The following SHANK2 variants were observed in gnomAD, a reference collection of about 807,000 sequenced individuals.
The protein encoded by SHANK2 is SH3 and multiple ankyrin repeat domains 2, also known as SH3 and multiple ankyrin repeat domains protein 2.
SHANK2 carries 43 observed loss-of-function variants against 133.7 expected under a neutral mutation model. The ratio of observed to expected loss-of-function variants is 0.32; its 90% confidence interval spans 0.25 to 0.41. SHANK2 has a LOEUF of 0.41. Among genes scored for constraint, SHANK2 ranks in the 10% least tolerant of loss-of-function variants. SHANK2 has a pLI of 1.00. For missense variants in SHANK2, 1,994 were observed against 2,235.8 expected, an observed-to-expected ratio of 0.89 and a Z score of 2.18; for synonymous variants, 1,017 against 952.8, an observed-to-expected ratio of 1.07 and a Z score of -1.24.
chr11:70,483,288 G>C (rs1322239661), intron 25 of SHANK2, among the ~76,000 whole-genome samples: 1 of 152,122 alleles, frequency 6.6e-6, no homozygotes, highest in African/African-American at 2.4e-5. Flanking sequence ...CCATGAGAAA[G>C]TGTTTTGTAA....
At position 70,487,577 on chromosome 11, in the gene SHANK2, A is replaced by C; in HGVS notation, c.2716T>G (p.Tyr906Asp). The change falls in exon 25 of 26, where the codon TAC becomes GAC. Residue 906 changes from tyrosine (Y) to aspartate (D), a missense_variant. Tyr to Asp is a radical substitution (Grantham distance 160). This residue lies in a region of SHANK2 where 488 missense variants were observed against 642.6 expected (regional missense o/e 0.76). Coordinates refer to ENST00000601538, the MANE Select transcript of SHANK2 (RefSeq NM_012309.5). This position sits in a 1 kb window ranked among gnomAD's most constrained non-coding sequence, Gnocchi z 5.8. ...GGAGTTGGGGACTTGGGGCAGTTGT[A>C]AGTGGTTGGGGAAGGTGGTGGTGGG... ...PSPPPPSPTTYNCPKSPTPRV... is the reference protein window; with the variant it reads ...PSPPPPSPTTDNCPKSPTPRV... 2 of 1,613,118 alleles carry C rather than the reference A, an allele frequency of 1.2e-6. No homozygotes were observed. The highest frequency in any genetic ancestry group is 1.7e-6 in the Non-Finnish European group (2 of 1,179,696).
intron 17 of SHANK2, among the ~76,000 whole-genome samples, chr11:70,577,184 C>T (rs749540584): frequency 6.6e-6 from 1 of 152,176 alleles, no homozygotes; most frequent in African/African-American, 2.4e-5. Flanking sequence ...GACTCGTGAT[C>T]CCCGTGGGGT....
chr11:70,599,889 A>AAGAAAGAAAGAAAGAAAGAAAGAAAGAG (rs376412663), intron 17 of SHANK2, among the ~76,000 whole-genome samples: 2 of 73,692 alleles, frequency 2.7e-5, no homozygotes, highest in African/African-American at 1.2e-4. Context: ...GAAAGAAAGA[A>AAGAAAGAAAGAAAGAAAGAAAGAAAGAG]AAAGAAAGAA....
At chr11:70,723,299 G>GTCTCTCTCTCTCTCTCTCTCTCTCTC (rs57815500) in intron 14 of SHANK2, among the ~76,000 whole-genome samples, 20 of 145,726 alleles carry the variant, frequency 1.4e-4, no homozygotes, top group African/African-American at 5.2e-4. Context: ...TGGAGGGTCT[G>GTCTCTCTCTCTCTCTCTCTCTCTCTC]TCTCTCTCTC....
intron 8 of SHANK2, among the ~76,000 whole-genome samples, chr11:71,092,110 G>A (rs1951528958): frequency 6.6e-6 from 1 of 152,188 alleles, no homozygotes; most frequent in East Asian, 1.9e-4. Flanking sequence ...AGGGCTCCTG[G>A]GAAGGGGGCG....
At chr11:70,662,792 C>A (rs1487894898) in intron 15 of SHANK2, among the ~76,000 whole-genome samples, 1 of 152,178 alleles carries the variant, frequency 6.6e-6, no homozygotes, top group Non-Finnish European at 1.5e-5. Context: ...GACATCCAGC[C>A]CCCGAGGCAC....
Position 70,807,293 on chromosome 11 carries a change from C to T in SHANK2, c.1494-122G>A. The T allele has an allele frequency of 3.1e-6, 2 of 653,726 alleles. No individual in the cohort carries two copies. The highest frequency in any genetic ancestry group is 5.5e-6 in the Non-Finnish European group (2 of 365,582). 40.5% of individuals were successfully genotyped at this position (653,726 alleles called of 1,614,324 possible). On this transcript the variant is annotated intron_variant, in intron 12 of 25. Coordinates refer to ENST00000601538, the MANE Select transcript of SHANK2 (RefSeq NM_012309.5). This position sits in a 1 kb window ranked among gnomAD's most constrained non-coding sequence, Gnocchi z 4.8. ...CGCCTCGGCTGGCCGCATCAGAACTCCTGATGCCAGACAGGAAGATGGGAA... is the reference window on the plus strand; with the variant it reads ...CGCCTCGGCTGGCCGCATCAGAACTTCTGATGCCAGACAGGAAGATGGGAA...
intron 17 of SHANK2, among the ~76,000 whole-genome samples, chr11:70,617,213 TGA>T (rs1420697390): frequency 6.6e-6 from 1 of 151,110 alleles, no homozygotes; most frequent in African/African-American, 2.4e-5. Context: ...TGTGAGTGTC[TGA>T]GTGTGTTGTG....
intron 3 of SHANK2, among the ~76,000 whole-genome samples, chr11:71,143,514 G>A (rs182753869): frequency 3.3e-5 from 5 of 152,288 alleles, no homozygotes; most frequent in African/African-American, 7.2e-5. Flanking sequence ...GTAAACAAGC[G>A]TCTGACTGCA....
intron 17 of SHANK2, among the ~76,000 whole-genome samples, chr11:70,524,311 G>A (rs555854429): frequency 6.6e-6 from 1 of 152,220 alleles, no homozygotes; most frequent in East Asian, 1.9e-4. Flanking sequence ...ATCCACGCTC[G>A]CCTTACCAGC....
intron 2 of SHANK2, among the ~76,000 whole-genome samples, chr11:71,214,261 C>T (rs1255716361): frequency 6.6e-6 from 1 of 152,180 alleles, no homozygotes; most frequent in Admixed American, 6.5e-5. Flanking sequence ...CCTCACTCAG[C>T]CACCTCCATC....
intron 17 of SHANK2, among the ~76,000 whole-genome samples, chr11:70,620,324 C>A (rs1248438566): frequency 6.6e-6 from 1 of 152,176 alleles, no homozygotes; most frequent in Non-Finnish European, 1.5e-5. Context: ...GGGGCCTCAT[C>A]AGAACAAAAA....
At chr11:70,716,459 G>A (rs186843259) in intron 14 of SHANK2, among the ~76,000 whole-genome samples, 2 of 152,202 alleles carry the variant, frequency 1.3e-5, no homozygotes, top group Admixed American at 6.5e-5. Context: ...CAAGGAAACC[G>A]CCCTGATCGT....
At position 70,473,747 on chromosome 11, in the gene SHANK2, CAG is replaced by C; in HGVS notation, c.4980-310_4980-309del. The C allele has an allele frequency of 4.6e-6, 2 of 436,388 alleles. No homozygotes were observed. Among genetic ancestry groups the C allele is most frequent in the Non-Finnish European group, 8.6e-6 (2 of 232,166 alleles). 27.0% of individuals were successfully genotyped at this position (436,388 alleles called of 1,614,324 possible). ...GTCAGCCCACTCACCTGAACTGGGA[CAG>C]AGGGGCTGGGGGACCTGCCTGTGCT... On this transcript the variant is annotated intron_variant, in intron 25 of 25. Transcript: ENST00000601538. This position sits in a 1 kb window ranked among gnomAD's most constrained non-coding sequence, Gnocchi z 5.9.
intron 11 of SHANK2, among the ~76,000 whole-genome samples, chr11:70,843,452 A>C (rs1373794167): frequency 6.6e-6 from 1 of 150,660 alleles, no homozygotes; most frequent in Admixed American, 6.6e-5. Flanking sequence ...TGAGGTCCTG[A>C]CTCCTAGTGG....
At chr11:70,745,612 C>A (rs1443233105) in intron 14 of SHANK2, among the ~76,000 whole-genome samples, 1 of 152,138 alleles carries the variant, frequency 6.6e-6, no homozygotes, top group East Asian at 1.9e-4. Flanking sequence ...ACTCAGAGAG[C>A]CCCAATCCTC....
intron 3 of SHANK2, among the ~76,000 whole-genome samples, chr11:71,122,474 A>T (rs1284237686): frequency 3.3e-5 from 5 of 152,158 alleles, no homozygotes; most frequent in African/African-American, 1.2e-4. Context: ...GGGCAGGGGA[A>T]CATCACACAT....
intron 17 of SHANK2, among the ~76,000 whole-genome samples, chr11:70,560,284 C>T (rs899565190): frequency 2.6e-5 from 4 of 152,132 alleles, no homozygotes; most frequent in Non-Finnish European, 5.9e-5. Flanking sequence ...AATACCTCTA[C>T]CATATCTTCA....
chr11:70,607,202 G>A (rs527427027), intron 17 of SHANK2, among the ~76,000 whole-genome samples: 12 of 152,314 alleles, frequency 7.9e-5, no homozygotes, highest in South Asian at 2.1e-4. Flanking sequence ...ATGTGGCTCC[G>A]GGGTCTGGGT....
Sources: allele counts gnomAD v4.1 joint callset (sites outside exome capture counted in the v4.1 genomes callset), GRCh38; gene constraint gnomAD v4.1.1; regional missense constraint gnomAD v4.1.1; non-coding constraint Gnocchi (gnomAD v3.1); transcripts MANE v1.5; gene names NCBI Gene and HGNC (gene_info 2026-07-23, HGNC 2026-07-21).